Variants in MINDY1 observed in about 807,000 individuals in gnomAD.
The protein encoded by MINDY1 is ubiquitin carboxyl-terminal hydrolase MINDY-1.
Under a neutral mutation model 53.6 loss-of-function variants are expected in MINDY1, and 50 were observed. The ratio of observed to expected loss-of-function variants is 0.93; its 90% CI spans 0.74 to 1.18. The LOEUF (loss-of-function observed/expected upper bound fraction) is 1.18. Ranked by LOEUF, MINDY1 falls within the 50% of genes most tolerant of loss-of-function variation. The probability of loss-of-function intolerance (pLI) is 0.00; values close to 1 mark genes in which losing one functional copy is unlikely to be tolerated. For missense variants in MINDY1, 484 were observed against 578.6 expected, an observed-to-expected ratio of 0.84 and a Z score of 1.68; for synonymous variants, 231 against 234.7, an observed-to-expected ratio of 0.98 and a Z score of 0.14.
At chr1:150,997,897 G>A (rs1672027346) in intron 8 of MINDY1, 118 bp from the exon 9 acceptor site, 2 of 1,243,122 alleles carry the variant, frequency 1.6e-6, no homozygotes, top group Non-Finnish European at 2.2e-6. Context: ...TCCCCACAGA[G>A]CAGCACACAC....
chr1:151,000,019 T>A (rs1238113566), intron 5 of MINDY1, 55 bp from the exon 6 acceptor site: 2 of 1,340,928 alleles, frequency 1.5e-6, no homozygotes, highest in African/African-American at 2.9e-5. Context: ...TTTTTTCTTT[T>A]TTAAGGAAGG....
intron 1 of MINDY1, among the ~76,000 whole-genome samples, chr1:151,005,909 C>A (rs770638575): frequency 1.3e-5 from 2 of 152,068 alleles, no homozygotes; most frequent in Non-Finnish European, 2.9e-5. Context: ...AGTAGAGAGC[C>A]GAAAGTTGGA....
intron 3 of MINDY1, 43 bp from the exon 4 acceptor site, chr1:151,001,357 C>T: frequency 6.2e-7 from 1 of 1,603,680 alleles, no homozygotes; most frequent in Non-Finnish European, 8.5e-7. Flanking sequence ...ACCAATCATC[C>T]CAAAAGCTAA....
In MINDY1 at chr1:151,002,526, G is replaced by C. The variant is rs1672701660; in HGVS notation, c.92C>G (p.Pro31Arg). The change falls in exon 2 of 10, where the codon CCA (proline) becomes CGA (arginine). Residue 31 changes from proline (P) to arginine (R), a missense_variant. Pro to Arg is a moderately radical substitution (Grantham distance 103). Transcript: ENST00000683666. This position sits in a 1 kb window ranked among gnomAD's most constrained non-coding sequence, Gnocchi z 4.1. Reference sequence around the variant, plus strand: ...ATCTGTGTCCTGAGGGTGCTCATCTGGGCCTGCCAGAACCTCATGGTTTTC... The same window carrying C: ...ATCTGTGTCCTGAGGGTGCTCATCTCGGCCTGCCAGAACCTCATGGTTTTC... Reference protein sequence around the residue: ...IPENHEVLAGPDEHPQDTDAR... With the variant: ...IPENHEVLAGRDEHPQDTDAR... 6.2e-7 allele frequency: 1 copy of C among 1,614,040 alleles called. No individual in the cohort carries two copies. The highest frequency in any genetic ancestry group is 8.5e-7 in the Non-Finnish European group (1 of 1,180,034).
chr1:150,997,236 T>C lies in MINDY1; in HGVS notation c.*51A>G, dbSNP rs754961919. ...GGTGGAGGCGGGGGAGCAAGCCAAC[T>C]AGCCATAGCCTCTGGAAGAAGGGGC... On this transcript the variant is annotated 3_prime_UTR_variant, in exon 10 of 10. Coordinates refer to ENST00000683666, the MANE Select transcript of MINDY1 (RefSeq NM_001376665.1). 16 of 1,540,662 alleles carry C rather than the reference T, an allele frequency of 1.0e-5. No individual in the cohort carries two copies. The East Asian group carries it at 3.4e-4, about 33-fold the overall frequency.
intron 9 of MINDY1, 121 bp from the exon 10 acceptor site, chr1:150,997,488 A>G: frequency 2.6e-6 from 4 of 1,549,074 alleles, no homozygotes; most frequent in Non-Finnish European, 3.5e-6. Flanking sequence ...AAGGGGCTCC[A>G]GGGGAGAGGG....
In MINDY1 at chr1:151,001,883, T is replaced by C. The variant is rs138451409; in HGVS notation, c.454-101A>G. 724 of 1,334,102 alleles carry C rather than the reference T, an allele frequency of 5.4e-4. 3 individuals carry two copies. The African/African-American group carries it at 9.2e-3, about 17-fold the overall frequency. 82.6% of individuals were successfully genotyped at this position (1,334,102 alleles called of 1,614,324 possible). A position where few individuals can be genotyped will look rare whatever the true frequency, so the allele number is the denominator to read the frequency against. On this transcript the variant is annotated intron_variant, in intron 2 of 9. Coordinates refer to ENST00000683666, the MANE Select transcript of MINDY1 (RefSeq NM_001376665.1). ...GGGGAGCTCCAGTAGTAGGGTGGGGTAGGAAAAAAGGCTTGCAACTGGCAC... is the reference window on the plus strand; with the variant it reads ...GGGGAGCTCCAGTAGTAGGGTGGGGCAGGAAAAAAGGCTTGCAACTGGCAC...
intron 4 of MINDY1, 62 bp from the exon 5 acceptor site, chr1:151,000,677 C>A (rs1672456696): frequency 1.3e-6 from 2 of 1,525,018 alleles, no homozygotes; most frequent in Non-Finnish European, 1.8e-6. Flanking sequence ...CCACTCCCAC[C>A]TGCAGAAATT....
At chr1:151,006,200 G>C in intron 1 of MINDY1, 112 bp downstream of exon 1, 1 of 1,549,082 alleles carries the variant, frequency 6.5e-7, no homozygotes, top group Non-Finnish European at 8.7e-7. Context: ...AAGCAATCCA[G>C]ACTTGCAGAC....
At position 150,999,422 on chromosome 1, in the gene MINDY1, C is replaced by G; in HGVS notation, c.928G>C (p.Glu310Gln). ...CELTAAAKEG[E>Q]LSVFFRNNHF... Reference sequence around the variant, plus strand: ...TTGTTTCGGAAAAAGACGCTAAGTTCACCCTCCTTAGCAGCTGCTGTCAGC... The same window carrying G: ...TTGTTTCGGAAAAAGACGCTAAGTTGACCCTCCTTAGCAGCTGCTGTCAGC... Residue 310 changes from glutamate (E) to glutamine (Q), a missense_variant, in exon 7 of 10, where the codon GAA becomes CAA. Glu to Gln is a conservative substitution (Grantham distance 29, BLOSUM62 2). Transcript: ENST00000683666. The surrounding 1 kb of genome is among the most constrained non-coding windows in gnomAD (Gnocchi z 4.4). 6.2e-7 allele frequency: 1 copy of G among 1,614,166 alleles called. No individual in the cohort carries two copies. Among genetic ancestry groups the G allele is most frequent in the Non-Finnish European group, 8.5e-7 (1 of 1,180,024 alleles).
In MINDY1 at chr1:150,998,153, G is replaced by GACTTTC; in HGVS notation, c.1101_1102insGAAAGT (p.Ser367_His368insGluSer). On this transcript the variant is annotated inframe_insertion, in exon 8 of 10. Transcript: ENST00000683666. ...GCTCCAGGCCCCTTGCCCAGGGAAT[G>GACTTTC]ACTCAGGTGAAAGTCAGAGTCACAA... 1.2e-6 allele frequency: 2 copies of GACTTTC among 1,614,100 alleles called. No individual in the cohort carries two copies. Among genetic ancestry groups the GACTTTC allele is most frequent in the Non-Finnish European group, 1.7e-6 (2 of 1,180,042 alleles).
rs745555131 is a variant in MINDY1 at position 151,006,558 on chromosome 1, G to C, written c.-336C>G. ...GAAGGCAGGCAGGGACACAGCCAAG[G>C]TGCTCCAGGTCGCTCAGAGAGTCTT... On this transcript the variant is annotated 5_prime_UTR_variant, in exon 1 of 10. Transcript: ENST00000683666. 12 of 999,184 alleles carry C rather than the reference G, an allele frequency of 1.2e-5. No individual in the cohort carries two copies. Among genetic ancestry groups the C allele is most frequent in the Non-Finnish European group, 1.3e-5 (11 of 838,964 alleles). 61.9% of individuals were successfully genotyped at this position (999,184 alleles called of 1,614,324 possible).
At chr1:150,997,888 C>G in intron 8 of MINDY1, 109 bp from the exon 9 acceptor site, 1 of 1,276,766 alleles carries the variant, frequency 7.8e-7, no homozygotes, top group Middle Eastern at 2.0e-4. Flanking sequence ...AGCTCTTTCT[C>G]CCCACAGAGC....
rs763801641 is a variant in MINDY1, at chr1:150,999,325, G to A, written c.981+44C>T. 1.9e-6 allele frequency: 3 copies of A among 1,609,516 alleles called. No homozygotes were observed. Among genetic ancestry groups the A allele is most frequent in the South Asian group, 1.1e-5 (1 of 90,826 alleles). ...CTGGACCCACGAGAAAAAGGCACCA[G>A]GAAATGACAGCACCGCAGCACGCCA... On this transcript the variant is annotated intron_variant, in intron 7 of 9. Transcript: ENST00000683666. This position sits in a 1 kb window ranked among gnomAD's most constrained non-coding sequence, Gnocchi z 4.4.
intron 5 of MINDY1, 33 bp downstream of exon 5, chr1:151,000,424 G>C (rs1041442919): frequency 5.1e-6 from 8 of 1,559,066 alleles, no homozygotes; most frequent in Non-Finnish European, 6.9e-6. Flanking sequence ...AGCTTGAGCT[G>C]GATAAGGTCC....
intron 9 of MINDY1, 47 bp from the exon 10 acceptor site, chr1:150,997,414 C>G: frequency 6.4e-7 from 1 of 1,566,546 alleles, no homozygotes; most frequent in Non-Finnish European, 8.7e-7. Context: ...TGGAAGAGCA[C>G]AAGAAGAGAT....
At chr1:151,005,957 A>G in intron 1 of MINDY1, 1 of 1,081,792 alleles carries the variant, frequency 9.2e-7, no homozygotes, top group East Asian at 2.8e-5. Context: ...TCAAGAAGAC[A>G]CTCCTTCTCT....
At position 151,002,975 on chromosome 1, in the gene MINDY1, C is replaced by A; in HGVS notation, c.-89-269G>T. On this transcript the variant is annotated intron_variant, in intron 1 of 9. Coordinates refer to ENST00000683666, the MANE Select transcript of MINDY1 (RefSeq NM_001376665.1). This position sits in a 1 kb window ranked among gnomAD's most constrained non-coding sequence, Gnocchi z 4.1. ...ATGGGTGGAGTCAGCTTCCCTGAAA[C>A]AGATCATGACAGGGAAGGGAGGAAA... 1 of 1,239,996 alleles carries A rather than the reference C, an allele frequency of 8.1e-7. No individual in the cohort carries two copies. The highest frequency in any genetic ancestry group is 1.0e-6 in the Non-Finnish European group (1 of 985,228). The allele number at this position is 1,239,996 out of a possible 1,614,324, so 76.8% of individuals were successfully genotyped here.
intron 1 of MINDY1, among the ~76,000 whole-genome samples, chr1:151,004,771 TAAAATAAAATAAAA>T (rs1672978385): frequency 3.3e-5 from 5 of 150,556 alleles, no homozygotes; most frequent in Admixed American, 2.7e-4. Flanking sequence ...TAAAATAAAA[TAAAATAAAATAAAA>T]TAAATTAAAC....
Sources: gnomAD v4.1 joint callset for allele counts (sites outside exome capture counted in the v4.1 genomes callset) on GRCh38, gnomAD v4.1.1 for gene constraint, Gnocchi (gnomAD v3.1) non-coding constraint, MANE v1.5 for transcripts, NCBI Gene and HGNC (gene_info 2026-07-23, HGNC 2026-07-21) for gene names.